The following SLC17A1 variants were observed in gnomAD, a reference collection of about 807,000 sequenced individuals.
The protein encoded by SLC17A1 is solute carrier family 17 member 1.
In SLC17A1, 51 loss-of-function variants were observed where a neutral mutation model predicts 53.5. The observed-to-expected ratio is 0.95, with a 90% confidence interval of 0.76 to 1.20. The LOEUF (loss-of-function observed/expected upper bound fraction) is 1.20. SLC17A1 is among the 50% of genes most tolerant of loss of function. The pLI is 0.00. For synonymous variants in SLC17A1, 179 were observed against 198.8 expected, an observed-to-expected ratio of 0.90 and a Z score of 0.84; for missense variants, 538 against 568.2, an observed-to-expected ratio of 0.95 and a Z score of 0.54.
chr6:25,797,310 A>G (rs1392950734), intron 12 of SLC17A1, among the ~76,000 whole-genome samples: 2 of 152,208 alleles, frequency 1.3e-5, no homozygotes, highest in African/African-American at 4.8e-5. Flanking sequence ...AAACACAGAG[A>G]CACAGAAAAT....
chr6:25,787,083 G>T (rs548802195), intron 12 of SLC17A1, among the ~76,000 whole-genome samples: 1 of 139,402 alleles, frequency 7.2e-6, no homozygotes. Flanking sequence ...TAAGAGTGTG[G>T]GGTATAGTGG....
the SLC17A1 span, among the ~76,000 whole-genome samples, chr6:25,730,327 C>T: frequency 6.6e-6 from 1 of 151,990 alleles, no homozygotes; most frequent in African/African-American, 2.4e-5. Flanking sequence ...ACTATTTGGC[C>T]TCAAAAAAGA....
At chr6:25,724,250 C>G in the SLC17A1 span, among the ~76,000 whole-genome samples, 1 of 152,172 alleles carries the variant, frequency 6.6e-6, no homozygotes, top group Non-Finnish European at 1.5e-5. Context: ...ATGGCGAAAC[C>G]CTGTCTCTAC....
chr6:25,815,402 C>T lies in SLC17A1; in HGVS notation c.617-2189G>A, dbSNP rs564736689. Among the ~76,000 whole-genome samples, 47 of 152,134 alleles carry T rather than the reference C, an allele frequency of 3.1e-4. No homozygotes were observed. In the East Asian group the frequency reaches 5.8e-3, roughly 19 times the overall value. The stretch of plus-strand genomic sequence containing the variant: ...AATAAAAAAAAAAGTTACAACCTGA[C>T]ATGTTGTAACCAAATGACCCCAGTT... On this transcript the variant is annotated intron_variant, in intron 6 of 12. Coordinates refer to ENST00000244527, the MANE Select transcript of SLC17A1 (RefSeq NM_005074.5).
chr6:25,747,176 C>G, the SLC17A1 span, among the ~76,000 whole-genome samples: 2 of 152,160 alleles, frequency 1.3e-5, no homozygotes, highest in African/African-American at 4.8e-5. Flanking sequence ...CAACCCAGTG[C>G]ATTCCTGCAG....
chr6:25,727,060 A>C, the SLC17A1 span: 2 of 1,614,258 alleles, frequency 1.2e-6, no homozygotes, highest in South Asian at 2.2e-5. Flanking sequence ...AAGCAGGTCC[A>C]TCCGGACACT....
chr6:25,726,925 C>G, the SLC17A1 span: 1 of 1,613,260 alleles, frequency 6.2e-7, no homozygotes, highest in Non-Finnish European at 8.5e-7. Context: ...GAGGTGTCAT[C>G]TAAAGGTGCT....
chr6:25,762,102 G>T, the SLC17A1 span: 1 of 1,518,054 alleles, frequency 6.6e-7, no homozygotes, highest in South Asian at 1.2e-5. Flanking sequence ...AGGATCTGTG[G>T]CACTGTAACT....
chr6:25,806,638 A>ACC (rs1763963549), intron 10 of SLC17A1, among the ~76,000 whole-genome samples: 1 of 152,118 alleles, frequency 6.6e-6, no homozygotes, highest in Admixed American at 6.6e-5. Flanking sequence ...CATGATTAAG[A>ACC]CCCCAAAAAC....
downstream of SLC17A1, chr6:25,778,069 G>T: frequency 5.3e-6 from 7 of 1,321,376 alleles, no homozygotes; most frequent in Non-Finnish European, 6.4e-6. Context: ...TAGAGGCATG[G>T]TTTTTTCACA....
chr6:25,773,303 C>T, the SLC17A1 span: 1 of 1,613,940 alleles, frequency 6.2e-7, no homozygotes, highest in Middle Eastern at 1.7e-4. Flanking sequence ...GTTGTCCTCT[C>T]TGGTTTCCTC....
At chr6:25,805,023 A>G (rs1452420454) in intron 10 of SLC17A1, among the ~76,000 whole-genome samples, 3 of 152,116 alleles carry the variant, frequency 2.0e-5, no homozygotes, top group African/African-American at 7.2e-5. Flanking sequence ...ACTACACTTT[A>G]GAACAAATGG....
the SLC17A1 span, among the ~76,000 whole-genome samples, chr6:25,751,563 T>C: frequency 6.6e-6 from 1 of 152,200 alleles, no homozygotes; most frequent in Admixed American, 6.5e-5. Flanking sequence ...AGACCATCCA[T>C]ATTCCAAATA....
At chr6:25,763,234 G>A in the SLC17A1 span, among the ~76,000 whole-genome samples, 1 of 152,146 alleles carries the variant, frequency 6.6e-6, no homozygotes, top group South Asian at 2.1e-4. Flanking sequence ...GGCTATAGCT[G>A]TATCAGACAA....
rs772930118 is a variant in SLC17A1, at chr6:25,830,524, CT to C, written c.33del (p.Val12PhefsTer21). 2.5e-6 allele frequency: 4 copies of C among 1,611,278 alleles called. No individual in the cohort carries two copies. The highest frequency in any genetic ancestry group is 3.4e-6 in the Non-Finnish European group (4 of 1,177,590). Reference sequence around the variant, plus strand: ...TTAATGGAACAGAATAAAGTGCTACCTTTTTTGGGAGGCAACCGGTTATCCA... The same window carrying C: ...TTAATGGAACAGAATAAAGTGCTACCTTTTTGGGAGGCAACCGGTTATCCA... MQMDNRLPPKKVPGFCSFRYG... is the reference protein window; with the variant it reads MQMDNRLPPKXVPGFCSFRYG... On this transcript the variant is annotated frameshift_variant and splice_region_variant, in exon 2 of 13. Transcript: ENST00000244527. LOFTEE classifies it high-confidence loss of function.
the SLC17A1 span, chr6:25,732,541 A>G: frequency 1.9e-6 from 1 of 538,754 alleles, no homozygotes; most frequent in East Asian, 5.0e-5. Context: ...CTGCTCAGCA[A>G]GGGCAACGAT....
At position 25,811,509 on chromosome 6, in the gene SLC17A1, G is replaced by A. The variant is rs1453748397; in HGVS notation, c.1067C>T (p.Pro356Leu). Residue 356 changes from proline (P) to leucine (L), a missense_variant, in exon 10 of 13, where the codon CCT becomes CTT. By Grantham distance (98) the Pro-to-Leu change is moderately conservative (BLOSUM62 -3). Coordinates refer to ENST00000244527, the MANE Select transcript of SLC17A1 (RefSeq NM_005074.5). Reference protein sequence around the residue: ...LLPAIFGVCLPYLSSTFYSIV... With the variant: ...LLPAIFGVCLLYLSSTFYSIV... ...GCTGTAGAAGGTGGAACTCAGGTAA[G>A]GCAGGCAGACACCAAAGATTGCAGG... 6.2e-7 allele frequency: 1 copy of A among 1,614,012 alleles called. No homozygotes were observed. Among genetic ancestry groups the A allele is most frequent in the African/African-American group, 1.3e-5 (1 of 75,020 alleles).
downstream of SLC17A1, among the ~76,000 whole-genome samples, chr6:25,778,691 G>A (rs995318982): frequency 6.6e-6 from 1 of 152,194 alleles, no homozygotes; most frequent in African/African-American, 2.4e-5. Context: ...CAGGAGAATA[G>A]CAAATGCTTA....
intron 10 of SLC17A1, among the ~76,000 whole-genome samples, chr6:25,804,810 A>T (rs1054059761): frequency 1.3e-5 from 2 of 152,078 alleles, no homozygotes; most frequent in East Asian, 3.8e-4. Context: ...TATGATTAAA[A>T]CATCAATCAA....
Sources: allele counts gnomAD v4.1 joint callset (sites outside exome capture counted in the v4.1 genomes callset), GRCh38; gene constraint gnomAD v4.1.1; transcripts MANE v1.5; gene names NCBI Gene and HGNC (gene_info 2026-07-23, HGNC 2026-07-21).